Variants in MYO9B observed in about 807,000 individuals in gnomAD.
The protein encoded by MYO9B is unconventional myosin-IXb.
A neutral mutation model predicts 229.5 loss-of-function variants in MYO9B; 71 were observed. The ratio of observed to expected loss-of-function variants is 0.31; its 90% CI spans 0.26 to 0.38. The LOEUF (loss-of-function observed/expected upper bound fraction) is 0.38. Ranked by LOEUF, MYO9B falls within the 10% of genes least tolerant of loss-of-function variation. The pLI is 1.00. For missense variants in MYO9B, 2,255 were observed against 2,920.5 expected, an observed-to-expected ratio of 0.77 and a Z score of 5.25; for synonymous variants, 1,185 against 1,235.8, an observed-to-expected ratio of 0.96 and a Z score of 0.86.
Position 17,194,670 on chromosome 19 carries a change from G to A in MYO9B, c.3243G>A (p.Gln1081=). ...EGGQGQAAGG[Q]QVAEQGPEPA... ...GACAGGGTCAGGCGGCTGGAGGGCA[G>A]CAGGTAGCTGAGCAGGGGCCGGAGC... The change falls in exon 22 of 40, where the codon CAG becomes CAA. Residue 1081 remains glutamine, a synonymous_variant. Coordinates refer to ENST00000682292, the MANE Select transcript of MYO9B (RefSeq NM_004145.4). The A allele has an allele frequency of 6.2e-7, 1 of 1,612,864 alleles. No homozygotes were observed. The highest frequency in any genetic ancestry group is 8.5e-7 in the Non-Finnish European group (1 of 1,179,862).
intron 1 of MYO9B, among the ~76,000 whole-genome samples, chr19:17,086,659 C>T (rs968771117): frequency 1.3e-5 from 2 of 152,118 alleles, no homozygotes; most frequent in African/African-American, 2.4e-5. Context: ...GCGGGCAGAT[C>T]GCTTGAGGCC....
chr19:17,209,786 C>G, intron 36 of MYO9B, 77 bp downstream of exon 36: 1 of 1,297,228 alleles, frequency 7.7e-7, no homozygotes, highest in South Asian at 1.3e-5. Flanking sequence ...TTGGGCGTGG[C>G]TTTGTTGCTG....
At chr19:17,190,961 G>A (rs2072978120) in intron 19 of MYO9B, 136 bp from the exon 20 acceptor site, 2 of 961,934 alleles carry the variant, frequency 2.1e-6, no homozygotes, top group Non-Finnish European at 3.0e-6. Context: ...ATTTCTGAAA[G>A]CCTGAAATTT....
intron 10 of MYO9B, among the ~76,000 whole-genome samples, chr19:17,163,447 T>C (rs2072626999): frequency 6.8e-6 from 1 of 147,950 alleles, no homozygotes; most frequent in Non-Finnish European, 1.5e-5. Flanking sequence ...CATAGCTTAC[T>C]GCAGCCTCAA....
intron 2 of MYO9B, among the ~76,000 whole-genome samples, chr19:17,111,089 A>G (rs1446208387): frequency 6.6e-6 from 1 of 152,104 alleles, no homozygotes; most frequent in Non-Finnish European, 1.5e-5. Context: ...CCTCAAGGAC[A>G]CCTGCCTGGG....
At chr19:17,210,601 C>CT (rs1372288374) in intron 37 of MYO9B, 114 bp from the exon 38 acceptor site, 12 of 1,360,538 alleles carry the variant, frequency 8.8e-6, no homozygotes, top group Non-Finnish European at 1.2e-5. Flanking sequence ...AGAAGTCTCA[C>CT]TAAGAGCCCA....
rs140916566 is a variant in MYO9B, at chr19:17,140,511, T to C, written c.841-4886T>C. Among the ~76,000 whole-genome samples the C allele has an allele frequency of 8.6e-4, 130 of 151,012 alleles. 4 individuals carry two copies. In the East Asian group the frequency reaches 0.025, roughly 29 times the overall value. On this transcript the variant is annotated intron_variant, in intron 2 of 39. Transcript: ENST00000682292. ...TTAGATTTCTTTTTTTTTTTTGAGA[T>C]GGAGTTCACTCTTATTGCCCAGGCT...
chr19:17,096,699 G>T (rs930839865), intron 1 of MYO9B, among the ~76,000 whole-genome samples: 2 of 60,104 alleles, frequency 3.3e-5, no homozygotes, highest in South Asian at 6.8e-4. Flanking sequence ...TGTTGTTGTT[G>T]TTGTTGGTTT....
chr19:17,198,131 A>AG, intron 23 of MYO9B, 53 bp from the exon 24 acceptor site: 1 of 1,607,518 alleles, frequency 6.2e-7, no homozygotes, highest in East Asian at 2.2e-5. Context: ...TTCCCCATCT[A>AG]GCACAGGACT....
At chr19:17,181,418 T>C (rs1433600886) in intron 15 of MYO9B, among the ~76,000 whole-genome samples, 1 of 152,218 alleles carries the variant, frequency 6.6e-6, no homozygotes, top group Non-Finnish European at 1.5e-5. Flanking sequence ...CAGCAGGGCA[T>C]GCGATTTCCC....
intron 3 of MYO9B, among the ~76,000 whole-genome samples, chr19:17,146,086 G>A (rs2072405864): frequency 6.6e-6 from 1 of 151,686 alleles, no homozygotes; most frequent in Non-Finnish European, 1.5e-5. Context: ...TGGCTGAATG[G>A]ATGGATAGAT....
At chr19:17,097,615 C>G (rs2057705325) in intron 1 of MYO9B, among the ~76,000 whole-genome samples, 1 of 151,990 alleles carries the variant, frequency 6.6e-6, no homozygotes, top group African/African-American at 2.4e-5. Context: ...CTTGTGTGTC[C>G]CCCAGCCTTC....
At chr19:17,105,562 A>T (rs1192030141) in intron 2 of MYO9B, among the ~76,000 whole-genome samples, 1 of 152,070 alleles carries the variant, frequency 6.6e-6, no homozygotes, top group Non-Finnish European at 1.5e-5. Context: ...CTTTTGCTGA[A>T]TTGTAGCTCA....
intron 1 of MYO9B, among the ~76,000 whole-genome samples, chr19:17,091,793 C>T (rs955858580): frequency 6.6e-6 from 1 of 152,162 alleles, no homozygotes; most frequent in African/African-American, 2.4e-5. Context: ...CCTGGCTGCT[C>T]AGCAGCCGCC....
intron 2 of MYO9B, among the ~76,000 whole-genome samples, chr19:17,137,902 G>GTT (rs1233222347): frequency 1.9e-4 from 25 of 133,520 alleles, no homozygotes; most frequent in Non-Finnish European, 3.8e-4. Context: ...ACCATACCTG[G>GTT]CTTTTTTTTT....
At position 17,195,973 on chromosome 19, in the gene MYO9B, C is replaced by A. The variant is rs2073037882; in HGVS notation, c.4046+500C>A. ...CCTTCCCTGCAGCAGGCCTGCTCAG[C>A]CTCCCACTGCTCGTATTGGGGGCCA... On this transcript the variant is annotated intron_variant, in intron 22 of 39. Coordinates refer to ENST00000682292, the MANE Select transcript of MYO9B (RefSeq NM_004145.4). The surrounding 1 kb of genome is among the most constrained non-coding windows in gnomAD (Gnocchi z 4.5). Among the ~76,000 whole-genome samples the A allele has an allele frequency of 6.6e-6, 1 of 151,852 alleles. No homozygotes were observed. The highest frequency in any genetic ancestry group is 2.4e-5 in the African/African-American group (1 of 41,348).
At chr19:17,086,331 C>T (rs1381484612) in intron 1 of MYO9B, among the ~76,000 whole-genome samples, 3 of 152,218 alleles carry the variant, frequency 2.0e-5, no homozygotes, top group East Asian at 1.9e-4. Context: ...GCCCATTCCC[C>T]GCCCTCGCCT....
chr19:17,181,679 G>A (rs1478226902), intron 15 of MYO9B, among the ~76,000 whole-genome samples: 4 of 152,224 alleles, frequency 2.6e-5, no homozygotes, highest in Non-Finnish European at 4.4e-5. Flanking sequence ...GGCCATTGGG[G>A]TGTGGGCTGG....
At chr19:17,138,186 T>G (rs2072294785) in intron 2 of MYO9B, among the ~76,000 whole-genome samples, 2 of 152,150 alleles carry the variant, frequency 1.3e-5, no homozygotes, top group African/African-American at 4.8e-5. Context: ...TTGGTGAGAA[T>G]GATGGTTTCC....
Sources: gnomAD v4.1 joint callset for allele counts (sites outside exome capture counted in the v4.1 genomes callset) on GRCh38, gnomAD v4.1.1 for gene constraint, Gnocchi (gnomAD v3.1) non-coding constraint, MANE v1.5 for transcripts, NCBI Gene and HGNC (gene_info 2026-07-23, HGNC 2026-07-21) for gene names.